The following PALM2AKAP2 variants were observed in gnomAD, a reference collection of about 807,000 sequenced individuals.
PALM2AKAP2 encodes PALM2-AKAP2 fusion protein.
A neutral mutation model predicts 71.5 loss-of-function variants in PALM2AKAP2; 37 were observed. That is an observed-to-expected ratio of 0.52 (90% confidence interval 0.40 to 0.68). The LOEUF (loss-of-function observed/expected upper bound fraction) is 0.68. Ranked by LOEUF, PALM2AKAP2 falls within the 30% of genes least tolerant of loss-of-function variation. The probability of loss-of-function intolerance (pLI) is 0.00; values close to 1 mark genes in which losing one functional copy is unlikely to be tolerated. For synonymous variants in PALM2AKAP2, 468 were observed against 478.8 expected (o/e 0.98, Z 0.29); for missense variants, 1,224 against 1,191.8 (o/e 1.03, Z -0.40).
chr9:110,038,975 T>C (rs1051876922), intron 7 of PALM2AKAP2, among the ~76,000 whole-genome samples: 12 of 127,146 alleles, frequency 9.4e-5, no homozygotes, highest in African/African-American at 3.7e-4. Context: ...AAAACACTAA[T>C]AACGTTGGCC....
chr9:109,770,942 C>A (rs547068323), intron 1 of PALM2AKAP2, among the ~76,000 whole-genome samples: 33 of 152,320 alleles, frequency 2.2e-4, no homozygotes, highest in Admixed American at 4.6e-4. Context: ...TCCCATTTTA[C>A]AGACAGCATA....
intron 3 of PALM2AKAP2, among the ~76,000 whole-genome samples, chr9:109,901,613 G>A (rs1157829277): frequency 1.3e-5 from 2 of 152,180 alleles, no homozygotes; most frequent in African/African-American, 2.4e-5. Context: ...TAAGTGGAGG[G>A]ACTTAGAATT....
At chr9:109,966,946 G>C (rs777292424) in intron 6 of PALM2AKAP2, among the ~76,000 whole-genome samples, 1 of 152,198 alleles carries the variant, frequency 6.6e-6, no homozygotes, top group Non-Finnish European at 1.5e-5. Flanking sequence ...GGTGTTTCTA[G>C]GATTGTTCTG....
chr9:110,077,250 C>T (rs188604934), intron 1 of PALM2AKAP2, among the ~76,000 whole-genome samples: 123 of 152,198 alleles, frequency 8.1e-4, no homozygotes, highest in African/African-American at 1.1e-3. Context: ...TCTAATAGGG[C>T]GATACCCTAT....
At chr9:109,883,019 G>A (rs12345511) in intron 3 of PALM2AKAP2, among the ~76,000 whole-genome samples, 31,686 of 152,006 alleles carry the variant, frequency 0.21, 4,127 homozygotes, top group Admixed American at 0.29. Flanking sequence ...ACCTTGGCTT[G>A]AATGCAAATA....
intron 1 of PALM2AKAP2, among the ~76,000 whole-genome samples, chr9:110,104,800 G>A (rs1835076610): frequency 6.6e-6 from 1 of 152,184 alleles, no homozygotes; most frequent in Non-Finnish European, 1.5e-5. Flanking sequence ...TCTGTGAAAC[G>A]TAATGATGAT....
At chr9:109,979,372 A>G (rs1037916173) in intron 6 of PALM2AKAP2, among the ~76,000 whole-genome samples, 1 of 152,200 alleles carries the variant, frequency 6.6e-6, no homozygotes, top group African/African-American at 2.4e-5. Context: ...CGCCTGTCTT[A>G]AGAGTCTGAG....
chr9:110,109,687 TC>T (rs1289189027), intron 1 of PALM2AKAP2, among the ~76,000 whole-genome samples: 7 of 152,132 alleles, frequency 4.6e-5, no homozygotes, highest in African/African-American at 1.7e-4. Flanking sequence ...TTAACCTGAA[TC>T]CTTGCTGAAA....
intron 7 of PALM2AKAP2, among the ~76,000 whole-genome samples, chr9:110,035,776 G>GGATATGTTGTATGTTATATA (rs1833392352): frequency 2.0e-5 from 2 of 98,768 alleles, no homozygotes; most frequent in Non-Finnish European, 3.7e-5. Context: ...TATGTTATAT[G>GGATATGTTGTATGTTATATA]TAACATATAT....
At chr9:109,741,792 G>T (rs974657891) in intron 1 of PALM2AKAP2, among the ~76,000 whole-genome samples, 1 of 152,204 alleles carries the variant, frequency 6.6e-6, no homozygotes, top group Non-Finnish European at 1.5e-5. Flanking sequence ...TTTTGTGAAT[G>T]CTGTAAGGTG....
At chr9:109,894,755 A>C (rs1830160511) in intron 3 of PALM2AKAP2, among the ~76,000 whole-genome samples, 1 of 152,138 alleles carries the variant, frequency 6.6e-6, no homozygotes. Context: ...AAAGATGACT[A>C]TGTGCCCCAA....
At chr9:110,060,594 A>G (rs1273619236) in intron 1 of PALM2AKAP2, among the ~76,000 whole-genome samples, 1 of 151,074 alleles carries the variant, frequency 6.6e-6, no homozygotes, top group Non-Finnish European at 1.5e-5. Flanking sequence ...CAACAGGTCC[A>G]GGAGTTTTTG....
intron 6 of PALM2AKAP2, among the ~76,000 whole-genome samples, chr9:110,013,310 G>A (rs964230187): frequency 6.6e-6 from 1 of 152,208 alleles, no homozygotes; most frequent in Non-Finnish European, 1.5e-5. Context: ...CAGGAGAGGA[G>A]GAGAATGAAT....
chr9:109,668,981 A>G lies in PALM2AKAP2; in HGVS notation c.5+28115A>G, dbSNP rs191837817. On this transcript the variant is annotated intron_variant, in intron 1 of 6. Coordinates refer to the PALM2AKAP2 transcript ENST00000374531. ...CACTGATTTTCATTCCTAAAATTCTATGGGGTGGAAAAGTATAAACCAGAG... is the reference window on the plus strand; with the variant it reads ...CACTGATTTTCATTCCTAAAATTCTGTGGGGTGGAAAAGTATAAACCAGAG... 2.2e-3 allele frequency among the ~76,000 whole-genome samples: 340 copies of G among 152,260 alleles called. 3 individuals carry two copies. The highest frequency in any genetic ancestry group is 3.6e-3 in the Non-Finnish European group (245 of 68,012).
chr9:110,119,395 T>G (rs1350374095), intron 1 of PALM2AKAP2, among the ~76,000 whole-genome samples: 4 of 151,730 alleles, frequency 2.6e-5, no homozygotes, highest in African/African-American at 9.7e-5. Flanking sequence ...CCCTATTAAT[T>G]TAGGTTATTT....
intron 1 of PALM2AKAP2, among the ~76,000 whole-genome samples, chr9:109,642,844 CTT>C (rs11446176): frequency 2.2e-4 from 31 of 139,468 alleles, no homozygotes; most frequent in Admixed American, 4.4e-4. Context: ...CATGCCCAGT[CTT>C]TTTTTTTTTT....
intron 1 of PALM2AKAP2, among the ~76,000 whole-genome samples, chr9:109,827,428 G>A (rs1828182539): frequency 6.6e-6 from 1 of 152,034 alleles, no homozygotes; most frequent in South Asian, 2.1e-4. Flanking sequence ...CCCCAATATG[G>A]TGAAACCCCT....
chr9:109,775,715 G>C (rs1312553130), upstream of PALM2AKAP2, among the ~76,000 whole-genome samples: 1 of 152,186 alleles, frequency 6.6e-6, no homozygotes, highest in Non-Finnish European at 1.5e-5. Flanking sequence ...CATAGCTCTT[G>C]CTCAACAAGA....
intron 1 of PALM2AKAP2, among the ~76,000 whole-genome samples, chr9:109,722,906 G>A (rs976327587): frequency 2.0e-5 from 3 of 152,104 alleles, no homozygotes; most frequent in Non-Finnish European, 4.4e-5. Context: ...TGCACAAGCC[G>A]TCTGCTCTGC....
Sources: allele counts gnomAD v4.1 joint callset (sites outside exome capture counted in the v4.1 genomes callset), GRCh38; gene constraint gnomAD v4.1.1; transcripts MANE v1.5; gene names NCBI Gene and HGNC (gene_info 2026-07-23, HGNC 2026-07-21).